The following PFKM variants were observed in gnomAD, a reference collection of about 807,000 sequenced individuals.
PFKM encodes the protein phosphofructokinase, muscle, also known as ATP-dependent 6-phosphofructokinase, muscle type.
In PFKM, 58 loss-of-function variants were observed where a neutral mutation model predicts 95.5. The ratio of observed to expected loss-of-function variants is 0.61; its 90% confidence interval spans 0.49 to 0.76. PFKM has a LOEUF of 0.76. Ranked by LOEUF, PFKM falls within the 30% of genes least tolerant of loss-of-function variation. The pLI, the probability that PFKM is intolerant of heterozygous loss-of-function variation, is 0.00. For missense variants in PFKM, 678 were observed against 1,005.4 expected (o/e 0.67, Z 4.40); for synonymous variants, 336 against 357.2 (o/e 0.94, Z 0.67).
intron 7 of PFKM, 115 bp downstream of exon 7, chr12:48,134,391 C>G (rs991569472): frequency 3.3e-6 from 3 of 901,944 alleles, no homozygotes; most frequent in Admixed American, 3.6e-5. Flanking sequence ...TGCACATGCT[C>G]CTTGTGGTGT....
intron 19 of PFKM, 51 bp downstream of exon 19, chr12:48,143,865 C>A: frequency 2.1e-6 from 3 of 1,453,726 alleles, no homozygotes; most frequent in Non-Finnish European, 1.9e-6. Flanking sequence ...TAAGCTTTGG[C>A]TCAAACCCAT....
intron 19 of PFKM, 32 bp downstream of exon 19, chr12:48,143,846 G>A (rs4075914): frequency 3.9e-6 from 6 of 1,542,256 alleles, no homozygotes; most frequent in Non-Finnish European, 5.4e-6. Flanking sequence ...CCTAAATGAA[G>A]AAGAAAAATA....
At chr12:48,142,522 T>C (rs1950666732) in intron 17 of PFKM, 2 of 520,898 alleles carry the variant, frequency 3.8e-6, no homozygotes, top group Non-Finnish European at 6.9e-6. Flanking sequence ...GTTTGTTTTT[T>C]TTTTTCTTTC....
intron 4 of PFKM, among the ~76,000 whole-genome samples, chr12:48,132,465 A>C (rs1949608690): frequency 6.6e-6 from 1 of 152,248 alleles, no homozygotes; most frequent in Admixed American, 6.5e-5. Context: ...ATGAACTCCT[A>C]ATAATAATTT....
At chr12:48,131,828 CTTTCGGAGTCTCAAAAAAATCCTA>C (rs911304627) in intron 4 of PFKM, 2 of 361,046 alleles carry the variant, frequency 5.5e-6, no homozygotes, top group African/African-American at 4.3e-5. Flanking sequence ...CTGAGACAGC[CTTTCGGAGTCTCAAAAAAATCCTA>C]AGAGTATCCT....
chr12:48,128,468 C>T (rs772621067), intron 2 of PFKM, among the ~76,000 whole-genome samples: 33 of 152,080 alleles, frequency 2.2e-4, no homozygotes, highest in Admixed American at 1.5e-3. Context: ...AGACCATTAC[C>T]AAGTCCTTTA....
intron 5 of PFKM, 65 bp downstream of exon 5, chr12:48,133,122 C>T (rs1949690401): frequency 2.0e-6 from 3 of 1,470,756 alleles, no homozygotes; most frequent in Middle Eastern, 1.7e-4. Flanking sequence ...TACACACACA[C>T]ATCGCCCCCG....
chr12:48,106,361 A>T (rs896671138), intron 1 of PFKM: 6 of 471,262 alleles, frequency 1.3e-5, no homozygotes, highest in African/African-American at 1.0e-4. Flanking sequence ...CTGCTCCCTT[A>T]CCCGCCGCCT....
rs1950919459 is a variant in PFKM, at chr12:48,145,104, G to A, written c.2066G>A (p.Gly689Glu). Residue 689 changes from glycine to glutamate, a missense_variant, in exon 21 of 23, where the codon GGG (glycine) becomes GAG (glutamate). Gly to Glu is a moderately conservative substitution (Grantham distance 98). Transcript: ENST00000359794. The surrounding 1 kb of genome is among the most constrained non-coding windows in gnomAD (Gnocchi z 4.3). ...MGAKAMNWMS[G>E]KIKESYRNGR... Reference sequence around the variant, plus strand: ...GCCAAGGCTATGAACTGGATGTCTGGGAAAATCAAAGAGAGTTACCGTAAT... The same window carrying A: ...GCCAAGGCTATGAACTGGATGTCTGAGAAAATCAAAGAGAGTTACCGTAAT... The A allele has an allele frequency of 6.2e-7, 1 of 1,614,006 alleles. No individual in the cohort carries two copies. The highest frequency in any genetic ancestry group is 8.5e-7 in the Non-Finnish European group (1 of 1,179,986).
At chr12:48,106,400 C>T (rs1404215825) in intron 1 of PFKM, 4 of 466,654 alleles carry the variant, frequency 8.6e-6, no homozygotes, top group Non-Finnish European at 1.5e-5. Flanking sequence ...GTTTTGCTTG[C>T]TTGCGTTCCA....
chr12:48,137,263 A>G (rs1950187611), intron 10 of PFKM: 1 of 227,900 alleles, frequency 4.4e-6, no homozygotes, highest in Non-Finnish European at 8.7e-6. Context: ...GGGTTCCACC[A>G]TGCTAGCCAG....
At chr12:48,142,679 T>C in intron 17 of PFKM, 103 bp from the exon 18 acceptor site, 1 of 1,136,978 alleles carries the variant, frequency 8.8e-7, no homozygotes, top group Non-Finnish European at 1.3e-6. Context: ...TGCTAGCCTA[T>C]GGAGAATATA....
At chr12:48,117,898 T>TG (rs1947815126), upstream of PFKM, among the ~76,000 whole-genome samples, 1 of 152,206 alleles carries the variant, frequency 6.6e-6, no homozygotes, top group Admixed American at 6.5e-5. Flanking sequence ...GCGGGATAAC[T>TG]GGAAGCAGGG....
At chr12:48,133,254 C>T in intron 5 of PFKM, 61 bp from the exon 6 acceptor site, 2 of 1,448,842 alleles carry the variant, frequency 1.4e-6, no homozygotes, top group Non-Finnish European at 1.9e-6. Context: ...CTCTAGATAT[C>T]TCCTCTTTAG....
intron 12 of PFKM, chr12:48,139,625 CTT>C (rs1199245943): frequency 6.3e-6 from 4 of 630,264 alleles, no homozygotes; most frequent in Admixed American, 2.5e-5. Flanking sequence ...GGGACAGTCT[CTT>C]GTGCTGAGCA....
chr12:48,139,626 T>C (rs1950408603), intron 12 of PFKM: 3 of 630,510 alleles, frequency 4.8e-6, no homozygotes, highest in Non-Finnish European at 8.5e-6. Context: ...GGACAGTCTC[T>C]TGTGCTGAGC....
At chr12:48,107,310 G>T in intron 1 of PFKM, 1 of 1,137,634 alleles carries the variant, frequency 8.8e-7, no homozygotes, top group South Asian at 1.2e-5. Flanking sequence ...GTCAGTCACT[G>T]ACATCTTATT....
intron 1 of PFKM, among the ~76,000 whole-genome samples, chr12:48,120,926 G>A (rs781524195): frequency 2.0e-4 from 31 of 152,244 alleles, no homozygotes; most frequent in Admixed American, 1.2e-3. Context: ...CAAGGTGGGC[G>A]GATCACCTGA....
intron 1 of PFKM, chr12:48,119,880 C>T (rs1275882840): frequency 6.6e-6 from 1 of 152,210 alleles, no homozygotes; most frequent in Non-Finnish European, 1.5e-5. Flanking sequence ...TCCTGTGCCT[C>T]TATAACTGTC....
Sources: allele counts gnomAD v4.1 joint callset (sites outside exome capture counted in the v4.1 genomes callset), GRCh38; gene constraint gnomAD v4.1.1; non-coding constraint Gnocchi (gnomAD v3.1); transcripts MANE v1.5; gene names NCBI Gene and HGNC (gene_info 2026-07-23, HGNC 2026-07-21).